Variants in ANKS1B observed in about 807,000 individuals in gnomAD.
ANKS1B encodes the protein ankyrin repeat and sterile alpha motif domain-containing protein 1B.
A neutral mutation model predicts 148.3 loss-of-function variants in ANKS1B; 36 were observed. The observed-to-expected ratio is 0.24, with a 90% CI of 0.19 to 0.32. ANKS1B has a LOEUF of 0.32. Among genes scored for constraint, ANKS1B ranks in the 10% least tolerant of loss-of-function variants. ANKS1B has a pLI of 1.00. For missense variants in ANKS1B, 1,157 were observed against 1,542.6 expected (o/e 0.75, Z 4.19); for synonymous variants, 542 against 560.8 (o/e 0.97, Z 0.47).
At chr12:99,300,293 T>C (rs977390291) in intron 12 of ANKS1B, among the ~76,000 whole-genome samples, 2 of 149,818 alleles carry the variant, frequency 1.3e-5, no homozygotes, top group African/African-American at 5.0e-5. Flanking sequence ...GGTTGCTAAA[T>C]AGGACAAATA....
chr12:99,189,384 CA>C (rs1468205874), intron 14 of ANKS1B, among the ~76,000 whole-genome samples: 1 of 152,004 alleles, frequency 6.6e-6, no homozygotes, highest in Non-Finnish European at 1.5e-5. Flanking sequence ...GGCAGAGAAA[CA>C]ACAAAAAAAG....
chr12:99,121,321 ATGTGTGTG>A lies in ANKS1B; in HGVS notation c.2526+32960_2526+32967del, dbSNP rs57560069. On this transcript the variant is annotated intron_variant, in intron 15 of 26. Transcript: ENST00000683438. ...GTTTTAACAGTGTGTGTATGTAGGTATGTGTGTGTGTGTGTGTGTGTGTGTGTGTGTGT... is the reference window on the plus strand; with the variant it reads ...GTTTTAACAGTGTGTGTATGTAGGTATGTGTGTGTGTGTGTGTGTGTGTGT... Among the ~76,000 whole-genome samples, 612 of 142,852 alleles carry A rather than the reference ATGTGTGTG, an allele frequency of 4.3e-3. 28 individuals are homozygous for A. The East Asian group carries it at 0.088, about 21-fold the overall frequency. 93.7% of individuals were successfully genotyped at this position (142,852 alleles called of 152,430 possible).
intron 10 of ANKS1B, among the ~76,000 whole-genome samples, chr12:99,484,243 C>A (rs1595691616): frequency 6.6e-6 from 1 of 151,932 alleles, no homozygotes; most frequent in East Asian, 1.9e-4. Context: ...ATCTTAATTT[C>A]ATTGTTAGCT....
At chr12:99,159,573 T>C (rs1287699468) in intron 14 of ANKS1B, among the ~76,000 whole-genome samples, 3 of 152,212 alleles carry the variant, frequency 2.0e-5, no homozygotes, top group Non-Finnish European at 2.9e-5. Flanking sequence ...TCTTTTTTTA[T>C]GGATGCATAG....
At chr12:99,445,490 G>T (rs2095621775) in intron 10 of ANKS1B, among the ~76,000 whole-genome samples, 1 of 151,944 alleles carries the variant, frequency 6.6e-6, no homozygotes, top group Non-Finnish European at 1.5e-5. Context: ...GAATGAACCT[G>T]TATAAACTAT....
intron 19 of ANKS1B, among the ~76,000 whole-genome samples, chr12:98,824,604 CA>C (rs1353425346): frequency 6.6e-6 from 1 of 152,196 alleles, no homozygotes; most frequent in East Asian, 1.9e-4. Flanking sequence ...AATTCAGAGT[CA>C]CCACATAACT....
At chr12:99,222,630 A>C (rs1247409398) in intron 14 of ANKS1B, among the ~76,000 whole-genome samples, 2 of 152,222 alleles carry the variant, frequency 1.3e-5, no homozygotes, top group East Asian at 3.8e-4. Context: ...ACAAACAAAC[A>C]AACAAACAAA....
intron 1 of ANKS1B, among the ~76,000 whole-genome samples, chr12:99,866,230 C>T (rs964300772): frequency 2.6e-5 from 4 of 152,146 alleles, no homozygotes; most frequent in African/African-American, 9.7e-5. Context: ...GAATTAAAGC[C>T]ATTTTGCCTA....
At chr12:98,992,162 C>T (rs1175496202) in intron 17 of ANKS1B, among the ~76,000 whole-genome samples, 1 of 152,152 alleles carries the variant, frequency 6.6e-6, no homozygotes, top group Non-Finnish European at 1.5e-5. Context: ...AAATTCTAGC[C>T]ACACGGACCT....
chr12:99,810,852 T>C (rs2068264601), intron 3 of ANKS1B, among the ~76,000 whole-genome samples: 1 of 152,012 alleles, frequency 6.6e-6, no homozygotes, highest in African/African-American at 2.4e-5. Flanking sequence ...ATTTCAGGTT[T>C]GCTTTGCAGT....
At chr12:99,780,198 G>A (rs1204326195) in intron 5 of ANKS1B, among the ~76,000 whole-genome samples, 3 of 152,086 alleles carry the variant, frequency 2.0e-5, no homozygotes, top group African/African-American at 7.2e-5. Flanking sequence ...TGCTACCAAA[G>A]ATTAGGAACA....
intron 10 of ANKS1B, among the ~76,000 whole-genome samples, chr12:99,452,339 A>G (rs974465422): frequency 6.6e-6 from 1 of 152,186 alleles, no homozygotes. Context: ...AGAATGTTAT[A>G]TTATACATTT....
chr12:99,633,110 A>G (rs2098189815), intron 9 of ANKS1B, among the ~76,000 whole-genome samples: 1 of 151,796 alleles, frequency 6.6e-6, no homozygotes, highest in South Asian at 2.1e-4. Context: ...ATGTCTGCAT[A>G]GTATTCCATG....
downstream of ANKS1B, among the ~76,000 whole-genome samples, chr12:98,742,344 CT>C (rs879698371): frequency 0.01 from 1,465 of 143,120 alleles, 12 homozygotes; most frequent in African/African-American, 0.023. Context: ...GCCCATGCAG[CT>C]TTTTTTTTTT....
intron 19 of ANKS1B, 80 bp from the exon 20 acceptor site, chr12:98,807,998 G>A: frequency 1.8e-6 from 2 of 1,100,228 alleles, no homozygotes; most frequent in Non-Finnish European, 2.6e-6. Context: ...GGAAGGAAAA[G>A]AGGAAAATAA....
At chr12:98,932,741 A>T (rs1403682687) in intron 17 of ANKS1B, among the ~76,000 whole-genome samples, 3 of 152,140 alleles carry the variant, frequency 2.0e-5, no homozygotes, top group Non-Finnish European at 2.9e-5. Context: ...TGGTCAAATA[A>T]ATTTGAAACT....
At chr12:98,836,520 T>C (rs1235654081) in intron 17 of ANKS1B, among the ~76,000 whole-genome samples, 1 of 152,058 alleles carries the variant, frequency 6.6e-6, no homozygotes, top group Non-Finnish European at 1.5e-5. Flanking sequence ...CAAAGAAAGA[T>C]GGTCATTATG....
chr12:98,798,854 AT>A, intron 22 of ANKS1B, 79 bp downstream of exon 22: 1 of 1,219,112 alleles, frequency 8.2e-7, no homozygotes, highest in Non-Finnish European at 1.2e-6. Context: ...GAAAATAGTA[AT>A]TTGAAAGGTG....
intron 17 of ANKS1B, among the ~76,000 whole-genome samples, chr12:98,917,373 C>T (rs1222394394): frequency 2.0e-5 from 3 of 152,142 alleles, no homozygotes; most frequent in Non-Finnish European, 4.4e-5. Context: ...GGGCCCATCC[C>T]TCCCACTTTA....
Sources: allele counts gnomAD v4.1 joint callset (sites outside exome capture counted in the v4.1 genomes callset), GRCh38; gene constraint gnomAD v4.1.1; transcripts MANE v1.5; gene names NCBI Gene and HGNC (gene_info 2026-07-23, HGNC 2026-07-21).